Variants in ADAMTS2 observed in about 807,000 individuals in gnomAD.
ADAMTS2 encodes the protein ADAM metallopeptidase with thrombospondin type 1 motif 2.
ADAMTS2 carries 50 observed loss-of-function variants against 123.0 expected under a neutral mutation model. The observed-to-expected ratio is 0.41, with a 90% CI of 0.32 to 0.51. The LOEUF (loss-of-function observed/expected upper bound fraction) is 0.51. Ranked by LOEUF, ADAMTS2 falls within the 20% of genes least tolerant of loss-of-function variation. The probability of loss-of-function intolerance (pLI) is 0.35; values close to 1 mark genes in which losing one functional copy is unlikely to be tolerated. For missense variants in ADAMTS2, 1,494 were observed against 1,705.2 expected (o/e 0.88, Z 2.18); for synonymous variants, 678 against 695.4 (o/e 0.98, Z 0.39).
intron 4 of ADAMTS2, among the ~76,000 whole-genome samples, chr5:179,190,467 A>C (rs557846493): frequency 3.3e-5 from 3 of 89,594 alleles, no homozygotes; most frequent in Admixed American, 3.1e-4. Flanking sequence ...GGAGAAAAAC[A>C]GGTATTAAAG....
intron 10 of ADAMTS2, among the ~76,000 whole-genome samples, chr5:179,142,590 G>T (rs116608219): frequency 1.2e-3 from 186 of 152,338 alleles, no homozygotes; most frequent in African/African-American, 4.3e-3. Flanking sequence ...ACAGTTGGGT[G>T]TGATAGCAAT....
chr5:179,190,361 G>A (rs185742094), intron 4 of ADAMTS2, among the ~76,000 whole-genome samples: 1,612 of 152,276 alleles, frequency 0.011, 12 homozygotes, highest in Middle Eastern at 0.017. Context: ...GGGGTTGTTA[G>A]AAGGAGCATT....
In ADAMTS2 at chr5:179,260,387, C is replaced by T. The variant is rs747459748; in HGVS notation, c.688+12524G>A. ...TCCACTGTAAGCAAAAGATTCTCCC[C>T]GAAGCTAACGTGCTAAGTGACCTGG... On this transcript the variant is annotated intron_variant, in intron 3 of 21. Transcript: ENST00000251582. This position sits in a 1 kb window ranked among gnomAD's most constrained non-coding sequence, Gnocchi z 4.2. 1.3e-5 allele frequency among the ~76,000 whole-genome samples: 2 copies of T among 152,220 alleles called. No individual in the cohort carries two copies. The highest frequency in any genetic ancestry group is 2.4e-5 in the African/African-American group (1 of 41,458).
chr5:179,286,301 C>G (rs189634179), intron 2 of ADAMTS2, among the ~76,000 whole-genome samples: 156 of 151,894 alleles, frequency 1.0e-3, no homozygotes, highest in African/African-American at 3.5e-3. Context: ...AACCTAACAC[C>G]TTTGCACAGC....
intron 15 of ADAMTS2, among the ~76,000 whole-genome samples, chr5:179,131,845 G>A (rs888921572): frequency 6.6e-6 from 1 of 152,258 alleles, no homozygotes; most frequent in Non-Finnish European, 1.5e-5. Flanking sequence ...GCCTTGCTGA[G>A]GGGATGGGAG....
intron 10 of ADAMTS2, among the ~76,000 whole-genome samples, chr5:179,141,488 A>G (rs1763169559): frequency 6.6e-6 from 1 of 152,230 alleles, no homozygotes; most frequent in Admixed American, 6.5e-5. Context: ...TAACTGACGA[A>G]AATTAGTTTT....
chr5:179,128,597 T>C lies in ADAMTS2; in HGVS notation c.2458-479A>G. 6.6e-6 allele frequency among the ~76,000 whole-genome samples: 1 copy of C among 152,188 alleles called. No individual in the cohort carries two copies. Among genetic ancestry groups the C allele is most frequent in the East Asian group, 1.9e-4 (1 of 5,182 alleles). On this transcript the variant is annotated intron_variant, in intron 16 of 21. Coordinates refer to ENST00000251582, the MANE Select transcript of ADAMTS2 (RefSeq NM_014244.5). The surrounding 1 kb of genome is among the most constrained non-coding windows in gnomAD (Gnocchi z 4.9). ...TAGTAGAGACAGGGCTTCCCCATGT[T>C]GGCCAGGCTGGTCTTGAACTCCTGA...
chr5:179,259,347 TA>T (rs1397515832), intron 3 of ADAMTS2, among the ~76,000 whole-genome samples: 1 of 152,236 alleles, frequency 6.6e-6, no homozygotes, highest in East Asian at 1.9e-4. Flanking sequence ...GTGGACTGAC[TA>T]GTGCACTGTG....
At chr5:179,165,520 A>AG (rs34870139) in intron 5 of ADAMTS2, among the ~76,000 whole-genome samples, 2 of 152,078 alleles carry the variant, frequency 1.3e-5, no homozygotes, top group South Asian at 4.2e-4. Context: ...AGCTGTGCTG[A>AG]GGGGGGGACC....
intron 4 of ADAMTS2, among the ~76,000 whole-genome samples, chr5:179,204,254 G>T (rs1376988915): frequency 6.6e-6 from 1 of 152,220 alleles, no homozygotes; most frequent in Non-Finnish European, 1.5e-5. Context: ...GAAGAGTTCT[G>T]TGGACGGTGG....
At chr5:179,236,527 A>T (rs1223156479) in intron 3 of ADAMTS2, among the ~76,000 whole-genome samples, 1 of 152,206 alleles carries the variant, frequency 6.6e-6, no homozygotes, top group Non-Finnish European at 1.5e-5. Flanking sequence ...GCTGCGGCTC[A>T]TGCCTGTAAT....
intron 4 of ADAMTS2, among the ~76,000 whole-genome samples, chr5:179,184,632 C>G (rs759601196): frequency 2.0e-5 from 3 of 152,124 alleles, no homozygotes; most frequent in Non-Finnish European, 4.4e-5. Context: ...GGGCCCCTCA[C>G]AGGCTCTCAA....
intron 20 of ADAMTS2, among the ~76,000 whole-genome samples, chr5:179,122,273 G>T (rs753587384): frequency 6.6e-6 from 1 of 152,090 alleles, no homozygotes; most frequent in Non-Finnish European, 1.5e-5. Flanking sequence ...GCATCTGTGC[G>T]TGGTAGGTAT....
At chr5:179,342,360 G>A (rs2127462864) in intron 2 of ADAMTS2, among the ~76,000 whole-genome samples, 1 of 152,268 alleles carries the variant, frequency 6.6e-6, no homozygotes, top group South Asian at 2.1e-4. Context: ...GGCCCAGGAT[G>A]TCCTCAGAGA....
Position 179,112,581 on chromosome 5 carries a change from G to C in ADAMTS2, c.*1286C>G, listed in dbSNP as rs1314933703. ...CCCCCATCAGAGGCCACATTTTGCA[G>C]GTCACTGCTGGGTTCTGGAGCTTCT... On this transcript the variant is annotated 3_prime_UTR_variant, in exon 22 of 22. Transcript: ENST00000251582. 1 of 152,238 alleles carries C rather than the reference G, an allele frequency of 6.6e-6. No homozygotes were observed. The highest frequency in any genetic ancestry group is 1.5e-5 in the Non-Finnish European group (1 of 68,068). 9.4% of individuals were successfully genotyped at this position (152,238 alleles called of 1,614,324 possible).
chr5:179,344,513 G>C (rs1023042063), intron 1 of ADAMTS2, among the ~76,000 whole-genome samples: 2 of 152,214 alleles, frequency 1.3e-5, no homozygotes, highest in Non-Finnish European at 2.9e-5. Flanking sequence ...TGCACCTACC[G>C]TCCTTGGCAG....
intron 3 of ADAMTS2, among the ~76,000 whole-genome samples, chr5:179,269,301 T>C (rs975310796): frequency 5.3e-5 from 8 of 152,172 alleles, no homozygotes; most frequent in Non-Finnish European, 1.0e-4. Flanking sequence ...AGAGAGGCAT[T>C]TGTATTAGTC....
intron 2 of ADAMTS2, among the ~76,000 whole-genome samples, chr5:179,315,034 A>ACCC (rs1385660993): frequency 7.6e-6 from 1 of 130,842 alleles, no homozygotes; most frequent in Non-Finnish European, 1.7e-5. Context: ...GGATTCCTAC[A>ACCC]CCCACCCCCC....
intron 11 of ADAMTS2, 141 bp downstream of exon 11, chr5:179,139,749 G>T: frequency 1.6e-6 from 2 of 1,289,644 alleles, no homozygotes; most frequent in Non-Finnish European, 2.2e-6. Flanking sequence ...GGTAGGGTGA[G>T]GCAGGCGGGG....
Sources: allele counts gnomAD v4.1 joint callset (sites outside exome capture counted in the v4.1 genomes callset), GRCh38; gene constraint gnomAD v4.1.1; non-coding constraint Gnocchi (gnomAD v3.1); transcripts MANE v1.5; gene names NCBI Gene and HGNC (gene_info 2026-07-23, HGNC 2026-07-21).